Variants in THSD7A observed in about 807,000 individuals in gnomAD.
THSD7A encodes the protein thrombospondin type-1 domain-containing protein 7A.
A neutral mutation model predicts 231.3 loss-of-function variants in THSD7A; 96 were observed. That is an observed-to-expected ratio of 0.41 (90% CI 0.35 to 0.49). The LOEUF (loss-of-function observed/expected upper bound fraction) is 0.49, where lower values mean the gene tolerates loss of function less well. Ranked by LOEUF, THSD7A falls within the 20% of genes least tolerant of loss-of-function variation. The pLI is 0.05. For missense variants in THSD7A, 2,290 were observed against 2,070.2 expected (o/e 1.11, Z -2.06); for synonymous variants, 940 against 743.3 (o/e 1.26, Z -4.30).
At chr7:11,765,056 C>CTTTTTTTTTTTTTTTTTTTTTTT (rs1325721663) in intron 1 of THSD7A, among the ~76,000 whole-genome samples, 1 of 151,742 alleles carries the variant, frequency 6.6e-6, no homozygotes, top group Non-Finnish European at 1.5e-5. Context: ...ATGTATAAAT[C>CTTTTTTTTTTTTTTTTTTTTTTT]TTTTTATTAA....
At chr7:11,475,521 T>C (rs553229290) in intron 7 of THSD7A, among the ~76,000 whole-genome samples, 6 of 150,978 alleles carry the variant, frequency 4.0e-5, no homozygotes, top group Admixed American at 1.3e-4. Flanking sequence ...AATGGGGAAG[T>C]GATGGTATTT....
intron 2 of THSD7A, 48 bp from the exon 3 acceptor site, chr7:11,593,550 G>C: frequency 6.3e-7 from 1 of 1,592,156 alleles, no homozygotes; most frequent in Non-Finnish European, 8.6e-7. Context: ...AGGCAGTTAT[G>C]AACTTTGTCT....
At chr7:11,818,489 A>C (rs1170645549) in intron 1 of THSD7A, among the ~76,000 whole-genome samples, 1 of 152,192 alleles carries the variant, frequency 6.6e-6, no homozygotes, top group Non-Finnish European at 1.5e-5. Flanking sequence ...TCATGGGAGC[A>C]ACCTAAGTAG....
intron 4 of THSD7A, among the ~76,000 whole-genome samples, chr7:11,559,911 G>A (rs1790008592): frequency 6.6e-6 from 1 of 152,130 alleles, no homozygotes; most frequent in South Asian, 2.1e-4. Flanking sequence ...TTGAAAAGAT[G>A]TGCATACTTC....
intron 23 of THSD7A, among the ~76,000 whole-genome samples, chr7:11,394,681 T>G (rs978775981): frequency 6.6e-6 from 1 of 152,212 alleles, no homozygotes; most frequent in Non-Finnish European, 1.5e-5. Context: ...TTGTGTTTGC[T>G]CCAGGCTTTT....
chr7:11,415,352 T>G (rs570952069), intron 17 of THSD7A, among the ~76,000 whole-genome samples: 1 of 152,188 alleles, frequency 6.6e-6, no homozygotes, highest in South Asian at 2.1e-4. Flanking sequence ...CCATAGAAGA[T>G]TCATAGGTAA....
In THSD7A at chr7:11,527,353, T is replaced by TA. The variant is rs920280179; in HGVS notation, c.1822+14065dup. Among the ~76,000 whole-genome samples the TA allele has an allele frequency of 8.7e-5, 13 of 150,008 alleles. 1 individual carries two copies. The highest frequency in any genetic ancestry group is 3.3e-4 in the Admixed American group (5 of 15,006). On this transcript the variant is annotated intron_variant, in intron 6 of 27. Transcript: ENST00000423059. ...AAAGGGAGATGAGAATCAGGAAAAATAAAAAAAAAGGAATCTTGAAACAAA... is the reference window on the plus strand; with the variant it reads ...AAAGGGAGATGAGAATCAGGAAAAATAAAAAAAAAAGGAATCTTGAAACAAA...
intron 2 of THSD7A, among the ~76,000 whole-genome samples, chr7:11,620,384 T>C (rs1781264187): frequency 6.6e-6 from 1 of 152,194 alleles, no homozygotes; most frequent in Non-Finnish European, 1.5e-5. Context: ...AGAAGTATCA[T>C]TCATTTTTCA....
chr7:11,411,396 G>T lies in THSD7A; in HGVS notation c.3683-74C>A. The T allele has an allele frequency of 1.0e-6, 1 of 987,644 alleles. No individual in the cohort carries two copies. Among genetic ancestry groups the T allele is most frequent in the Non-Finnish European group, 1.5e-6 (1 of 645,906 alleles). 61.2% of individuals were successfully genotyped at this position (987,644 alleles called of 1,614,324 possible). A position where few individuals can be genotyped will look rare whatever the true frequency, so the allele number is the denominator to read the frequency against. Reference sequence around the variant, plus strand: ...ATTTCAAATGAAACTCTGATGACCTGAATCCCATATTTAATTCACAACTGC... The same window carrying T: ...ATTTCAAATGAAACTCTGATGACCTTAATCCCATATTTAATTCACAACTGC... On this transcript the variant is annotated intron_variant, in intron 18 of 27. Transcript: ENST00000423059. This position sits in a 1 kb window ranked among gnomAD's most constrained non-coding sequence, Gnocchi z 4.1.
At chr7:11,407,709 A>G (rs1783634042) in intron 19 of THSD7A, among the ~76,000 whole-genome samples, 1 of 152,224 alleles carries the variant, frequency 6.6e-6, no homozygotes, top group African/African-American at 2.4e-5. Context: ...TAACCTCCAA[A>G]TTGGTTGAAT....
At chr7:11,486,595 G>A (rs60725060) in intron 6 of THSD7A, among the ~76,000 whole-genome samples, 60,845 of 147,418 alleles carry the variant, frequency 0.41, 12,604 homozygotes, top group Admixed American at 0.49. Context: ...ATGAACCAAC[G>A]CAACTTGTTT....
intron 2 of THSD7A, among the ~76,000 whole-genome samples, chr7:11,631,558 G>C (rs1054163615): frequency 6.6e-6 from 1 of 152,098 alleles, no homozygotes; most frequent in Non-Finnish European, 1.5e-5. Context: ...GAGCAGAGGA[G>C]GTTGATTTTA....
At chr7:11,663,605 A>G (rs1248870694) in intron 1 of THSD7A, among the ~76,000 whole-genome samples, 1 of 151,636 alleles carries the variant, frequency 6.6e-6, no homozygotes, top group East Asian at 1.9e-4. Context: ...GAGGAAAATT[A>G]GAGGCCAGTC....
intron 4 of THSD7A, among the ~76,000 whole-genome samples, chr7:11,555,390 A>C (rs562618230): frequency 7.2e-5 from 11 of 151,866 alleles, no homozygotes; most frequent in Non-Finnish European, 1.5e-4. Context: ...TTTTACTCCT[A>C]TCTTTTTTGA....
At chr7:11,577,217 G>A (rs1045118837) in intron 4 of THSD7A, among the ~76,000 whole-genome samples, 1 of 152,100 alleles carries the variant, frequency 6.6e-6, no homozygotes, top group East Asian at 1.9e-4. Flanking sequence ...AGTACTTCTG[G>A]GATTCTTAAT....
chr7:11,736,787 T>G (rs545224465), intron 1 of THSD7A, among the ~76,000 whole-genome samples: 1 of 152,160 alleles, frequency 6.6e-6, no homozygotes, highest in South Asian at 2.1e-4. Flanking sequence ...TGAAAGTACT[T>G]GATATGGTTT....
At chr7:11,602,220 T>C (rs1405175368) in intron 2 of THSD7A, among the ~76,000 whole-genome samples, 2 of 152,128 alleles carry the variant, frequency 1.3e-5, no homozygotes, top group Non-Finnish European at 2.9e-5. Context: ...ATATGAGAAA[T>C]TAATTGCATA....
In THSD7A at chr7:11,446,923, C is replaced by G. The variant is rs576990721; in HGVS notation, c.2800+307G>C. Among the ~76,000 whole-genome samples, 34 of 152,214 alleles carry G rather than the reference C, an allele frequency of 2.2e-4. No individual in the cohort carries two copies. The highest frequency in any genetic ancestry group is 2.2e-3 in the Admixed American group (33 of 15,280). ...GGTTAACAAAGTAGCAACTTTTTCT[C>G]TTGTTCCCCAAAAACTTTGCTCCAA... is the stretch of plus-strand genomic sequence containing the variant. On this transcript the variant is annotated intron_variant, in intron 12 of 27. Coordinates refer to ENST00000423059, the MANE Select transcript of THSD7A (RefSeq NM_015204.3). This position sits in a 1 kb window ranked among gnomAD's most constrained non-coding sequence, Gnocchi z 4.0.
At chr7:11,756,888 G>C (rs1171887745) in intron 1 of THSD7A, among the ~76,000 whole-genome samples, 1 of 151,902 alleles carries the variant, frequency 6.6e-6, no homozygotes, top group Non-Finnish European at 1.5e-5. Context: ...GTTGTTTCTA[G>C]GGTTTTGAGA....
Sources: gnomAD v4.1 joint callset for allele counts (sites outside exome capture counted in the v4.1 genomes callset) on GRCh38, gnomAD v4.1.1 for gene constraint, Gnocchi (gnomAD v3.1) non-coding constraint, MANE v1.5 for transcripts, NCBI Gene and HGNC (gene_info 2026-07-23, HGNC 2026-07-21) for gene names.